Variants in SLC8A3 observed in about 807,000 individuals in gnomAD.
SLC8A3 encodes the protein sodium/calcium exchanger 3.
A neutral mutation model predicts 65.4 loss-of-function variants in SLC8A3; 37 were observed. The ratio of observed to expected loss-of-function variants is 0.57; its 90% CI spans 0.44 to 0.74. SLC8A3 has a LOEUF of 0.74. SLC8A3 is among the 30% of genes least tolerant of loss of function. The probability of loss-of-function intolerance (pLI) is 0.00; values close to 1 mark genes in which losing one functional copy is unlikely to be tolerated. For missense variants in SLC8A3, 1,112 were observed against 1,172.1 expected (o/e 0.95, Z 0.75); for synonymous variants, 461 against 444.5 (o/e 1.04, Z -0.47).
intron 5 of SLC8A3, among the ~76,000 whole-genome samples, chr14:70,050,458 C>T (rs1373554130): frequency 6.6e-6 from 1 of 152,284 alleles, no homozygotes; most frequent in East Asian, 1.9e-4. Flanking sequence ...CAGCAGTCCC[C>T]TCAGGCTTCT....
intron 2 of SLC8A3, among the ~76,000 whole-genome samples, chr14:70,101,810 T>A (rs1892570419): frequency 6.6e-6 from 1 of 152,184 alleles, no homozygotes; most frequent in African/African-American, 2.4e-5. Flanking sequence ...TACACAATTG[T>A]CCAGCCTTTT....
chr14:70,120,738 C>A (rs1894000096), intron 2 of SLC8A3, among the ~76,000 whole-genome samples: 1 of 152,126 alleles, frequency 6.6e-6, no homozygotes, highest in Middle Eastern at 3.2e-3. Context: ...AAATGAGGGA[C>A]TAAAGAATCT....
chr14:70,170,040 C>T (rs1048438565), intron 1 of SLC8A3, among the ~76,000 whole-genome samples: 4 of 152,134 alleles, frequency 2.6e-5, no homozygotes, highest in Non-Finnish European at 5.9e-5. Context: ...ATGGAGCTCA[C>T]CACTCCAACT....
chr14:70,076,619 C>T (rs1018030600), intron 2 of SLC8A3, among the ~76,000 whole-genome samples: 1 of 152,154 alleles, frequency 6.6e-6, no homozygotes, highest in African/African-American at 2.4e-5. Context: ...ATTACTCCCT[C>T]CCGAGCACTA....
At chr14:70,115,654 C>G (rs1431674476) in intron 2 of SLC8A3, among the ~76,000 whole-genome samples, 1 of 152,026 alleles carries the variant, frequency 6.6e-6, no homozygotes, top group Non-Finnish European at 1.5e-5. Context: ...CCTAAGGGAG[C>G]CTGAAAAGTG....
Position 70,046,188 on chromosome 14 carries a change from G to T in SLC8A3, c.2525C>A (p.Ala842Asp). 1 of 1,614,222 alleles carries T rather than the reference G, an allele frequency of 6.2e-7. No individual in the cohort carries two copies. Among genetic ancestry groups the T allele is most frequent in the South Asian group, 1.1e-5 (1 of 91,082 alleles). ...LAWSVAAIYW[A>D]LQGQEFHVSA... ...CACGTGGAACTCCTGTCCCTGCAGAGCCCAGTAGATGGCGGCCACGGACCA... is the reference window on the plus strand; with the variant it reads ...CACGTGGAACTCCTGTCCCTGCAGATCCCAGTAGATGGCGGCCACGGACCA... Residue 842 changes from alanine (A) to aspartate (D), a missense_variant, in exon 7 of 7, where the codon GCT (alanine) becomes GAT (aspartate). Transcript: ENST00000356921. This position sits in a 1 kb window ranked among gnomAD's most constrained non-coding sequence, Gnocchi z 4.2.
Position 70,168,329 on chromosome 14 carries a change from C to A in SLC8A3, c.94G>T (p.Ala32Ser), listed in dbSNP as rs1298752015. The change falls in exon 2 of 7, where the codon GCT becomes TCT. Residue 32 changes from alanine to serine, a missense_variant. Ala to Ser is a moderately conservative substitution (Grantham distance 99). Transcript: ENST00000356921. ...CTTGGCACGTCCCCTGAGCCACCAG[C>A]CTCTGCTCGAAGACCATTCAGGAAG... ...VLFLNGLRAEAGGSGDVPSTG... is the reference protein window; with the variant it reads ...VLFLNGLRAESGGSGDVPSTG... The A allele has an allele frequency of 1.2e-6, 2 of 1,614,028 alleles. No individual in the cohort carries two copies. Among genetic ancestry groups the A allele is most frequent in the African/African-American group, 2.7e-5 (2 of 74,922 alleles).
At chr14:70,126,285 G>T (rs1416524281) in intron 2 of SLC8A3, among the ~76,000 whole-genome samples, 1 of 151,946 alleles carries the variant, frequency 6.6e-6, no homozygotes, top group Non-Finnish European at 1.5e-5. Flanking sequence ...AGTAACTTAG[G>T]GGGGCATCAT....
chr14:70,096,573 C>T (rs1383618749), intron 2 of SLC8A3, among the ~76,000 whole-genome samples: 4 of 152,214 alleles, frequency 2.6e-5, no homozygotes, highest in African/African-American at 9.7e-5. Flanking sequence ...CATCACAGCT[C>T]CACCCACTTA....
chr14:70,110,329 C>A (rs1336122357), intron 2 of SLC8A3, among the ~76,000 whole-genome samples: 1 of 151,334 alleles, frequency 6.6e-6, no homozygotes, highest in East Asian at 1.9e-4. Flanking sequence ...CCACCCTCCC[C>A]CTAAGCCCCC....
intron 2 of SLC8A3, among the ~76,000 whole-genome samples, chr14:70,114,145 G>T (rs1420247889): frequency 6.6e-6 from 1 of 152,194 alleles, no homozygotes; most frequent in East Asian, 1.9e-4. Context: ...GGTAACTGAG[G>T]AGTCTTGGGT....
At chr14:70,060,680 TA>T in intron 3 of SLC8A3, 155 bp downstream of exon 3, 2 of 756,098 alleles carry the variant, frequency 2.6e-6, no homozygotes, top group Middle Eastern at 2.3e-4. Flanking sequence ...GGGAAAAGAA[TA>T]AAAAAATCCA....
At chr14:70,170,990 T>A (rs1261780859) in intron 1 of SLC8A3, among the ~76,000 whole-genome samples, 1 of 152,200 alleles carries the variant, frequency 6.6e-6, no homozygotes, top group Non-Finnish European at 1.5e-5. Flanking sequence ...TTGTCATCAA[T>A]GATGTGCACA....
intron 2 of SLC8A3, among the ~76,000 whole-genome samples, chr14:70,161,176 G>A (rs1896864799): frequency 7.0e-6 from 1 of 143,724 alleles, no homozygotes; most frequent in Non-Finnish European, 1.5e-5. Context: ...ATTAGGCCTA[G>A]CTACTCGGGA....
At chr14:70,066,822 A>C (rs1004539213) in intron 2 of SLC8A3, among the ~76,000 whole-genome samples, 9 of 152,158 alleles carry the variant, frequency 5.9e-5, no homozygotes, top group African/African-American at 2.2e-4. Context: ...AAGCAAAACA[A>C]AACAAACAAC....
intron 2 of SLC8A3, among the ~76,000 whole-genome samples, chr14:70,113,295 T>G (rs1057200476): frequency 2.0e-5 from 3 of 152,138 alleles, no homozygotes; most frequent in African/African-American, 7.2e-5. Flanking sequence ...GTACAACAGG[T>G]TACTGTACTG....
At chr14:70,105,035 C>G (rs185745255) in intron 2 of SLC8A3, among the ~76,000 whole-genome samples, 1 of 152,218 alleles carries the variant, frequency 6.6e-6, no homozygotes, top group African/African-American at 2.4e-5. Flanking sequence ...GATTAATAAA[C>G]TTGGTAAACC....
Position 70,166,876 on chromosome 14 carries a change from G to A in SLC8A3, c.1547C>T (p.Pro516Leu). The A allele has an allele frequency of 1.2e-6, 2 of 1,614,084 alleles. No individual in the cohort carries two copies. Among genetic ancestry groups the A allele is most frequent in the East Asian group, 2.2e-5 (1 of 44,880 alleles). Residue 516 changes from proline (P) to leucine (L), a missense_variant, in exon 2 of 7, where the codon CCT (proline) becomes CTT (leucine). By Grantham distance (98) the Pro-to-Leu change is moderately conservative. Coordinates refer to ENST00000356921, the MANE Select transcript of SLC8A3 (RefSeq NM_182932.3). Reference protein sequence around the residue: ...LPLPRAVLASPCVATVTILDD... With the variant: ...LPLPRAVLASLCVATVTILDD... The stretch of plus-strand genomic sequence containing the variant: ...CAAGATGGTAACTGTGGCCACACAA[G>A]GGGAGGCTAGGACAGCCCGAGGCAA...
intron 2 of SLC8A3, among the ~76,000 whole-genome samples, chr14:70,105,044 C>A (rs1412265006): frequency 2.6e-5 from 4 of 152,164 alleles, no homozygotes; most frequent in Non-Finnish European, 5.9e-5. Flanking sequence ...ACTTGGTAAA[C>A]CTCGGCCAGG....
Sources: gnomAD v4.1 joint callset for allele counts (sites outside exome capture counted in the v4.1 genomes callset) on GRCh38, gnomAD v4.1.1 for gene constraint, Gnocchi (gnomAD v3.1) non-coding constraint, MANE v1.5 for transcripts, NCBI Gene and HGNC (gene_info 2026-07-23, HGNC 2026-07-21) for gene names.